The following HSF5 variants were observed in gnomAD, a reference collection of about 807,000 sequenced individuals.
The protein encoded by HSF5 is heat shock factor protein 5.
In HSF5, 5 loss-of-function variants were observed where a neutral mutation model predicts 50.8. That is an observed-to-expected ratio of 0.10 (90% confidence interval 0.05 to 0.21). The LOEUF is 0.21. HSF5 is among the 10% of genes least tolerant of loss of function. HSF5 has a pLI of 1.00. For missense variants in HSF5, 564 were observed against 762.6 expected, an observed-to-expected ratio of 0.74 and a Z score of 3.07; for synonymous variants, 307 against 307.4, an observed-to-expected ratio of 1.00 and a Z score of 0.02.
At position 58,462,914 on chromosome 17, in the gene HSF5, A is replaced by G; in HGVS notation, c.1410T>C (p.Val470=). 3 of 1,614,190 alleles carry G rather than the reference A, an allele frequency of 1.9e-6. No homozygotes were observed. The highest frequency in any genetic ancestry group is 2.5e-6 in the Non-Finnish European group (3 of 1,180,036). ...CAGATTCCTGTATTGTGCTATTTTC[A>G]ACAGGCTGAGCTGTGTGGATGGTAT... The part of the protein sequence containing the change: ...YIYTIHTAQP[V]ENSTIQESAA... Residue 470 remains valine (V), a synonymous_variant, in exon 4 of 6, where the codon GTT becomes GTC. Coordinates refer to ENST00000323777, the MANE Select transcript of HSF5 (RefSeq NM_001080439.3).
chr17:58,485,640 G>A (rs1166899613), intron 1 of HSF5, among the ~76,000 whole-genome samples: 2 of 151,506 alleles, frequency 1.3e-5, no homozygotes, highest in Non-Finnish European at 2.9e-5. Flanking sequence ...CCAGCTACTC[G>A]GGAGGCTGAG....
chr17:58,473,532 C>T (rs924137381), intron 2 of HSF5, among the ~76,000 whole-genome samples: 1 of 151,968 alleles, frequency 6.6e-6, no homozygotes. Flanking sequence ...CCAAAAATAA[C>T]ATCAGAGGAA....
chr17:58,428,222 TA>T, intron 5 of HSF5, among the ~76,000 whole-genome samples: 1 of 152,196 alleles, frequency 6.6e-6, no homozygotes, highest in Non-Finnish European at 1.5e-5. Flanking sequence ...ACAATCAAGA[TA>T]AATTTAAGGA....
chr17:58,486,688 A>G (rs991234542), intron 1 of HSF5, among the ~76,000 whole-genome samples: 2 of 152,178 alleles, frequency 1.3e-5, no homozygotes, highest in African/African-American at 4.8e-5. Context: ...GCCACGATGT[A>G]TCGTTGTATT....
intron 5 of HSF5, among the ~76,000 whole-genome samples, chr17:58,452,662 T>G (rs1359771162): frequency 6.6e-6 from 1 of 152,062 alleles, no homozygotes; most frequent in Non-Finnish European, 1.5e-5. Flanking sequence ...ATTTAAAAAT[T>G]AGCTAGGCGT....
chr17:58,452,204 C>T (rs1974650639), intron 5 of HSF5, among the ~76,000 whole-genome samples: 2 of 151,564 alleles, frequency 1.3e-5, no homozygotes, highest in South Asian at 2.1e-4. Context: ...GAGCTATTAT[C>T]GTGCCACTGT....
chr17:58,433,820 G>C (rs1029107893), intron 5 of HSF5, among the ~76,000 whole-genome samples: 2 of 150,494 alleles, frequency 1.3e-5, no homozygotes, highest in African/African-American at 4.9e-5. Context: ...AGTAGTTGAA[G>C]TAAGGATATG....
At chr17:58,451,672 T>A (rs1223217156) in intron 5 of HSF5, among the ~76,000 whole-genome samples, 3 of 152,080 alleles carry the variant, frequency 2.0e-5, no homozygotes, top group African/African-American at 7.2e-5. Flanking sequence ...CAAAAACCTA[T>A]GTGATACAGC....
chr17:58,427,991 G>A (rs543183004), intron 5 of HSF5, among the ~76,000 whole-genome samples: 3 of 152,300 alleles, frequency 2.0e-5, no homozygotes, highest in African/African-American at 7.2e-5. Context: ...ATAAATGCAC[G>A]GCTGTGACTG....
chr17:58,479,896 T>C lies in HSF5; in HGVS notation c.922A>G (p.Thr308Ala). The C allele has an allele frequency of 6.2e-7, 1 of 1,609,968 alleles. No homozygotes were observed. Among genetic ancestry groups the C allele is most frequent in the Non-Finnish European group, 8.5e-7 (1 of 1,178,190 alleles). ...CATGAACCTGAATTTGTCATACCTGTTGGATAGTAGGCTTGCGAGTACTGT... is the reference window on the plus strand; with the variant it reads ...CATGAACCTGAATTTGTCATACCTGCTGGATAGTAGGCTTGCGAGTACTGT... ...SAQYSQAYYPTAVLQCCSPTH... is the reference protein window; with the variant it reads ...SAQYSQAYYPAAVLQCCSPTH... Residue 308 changes from threonine to alanine, a missense_variant, in exon 2 of 6, where the codon ACA becomes GCA. Around this residue, in one of 5 missense-constraint regions of HSF5, gnomAD observed 441 missense variants for 533.6 expected, o/e 0.83. Coordinates refer to ENST00000323777, the MANE Select transcript of HSF5 (RefSeq NM_001080439.3).
chr17:58,463,175 A>G lies in HSF5; in HGVS notation c.1149T>C (p.His383=). ...EAVFQIVDEL[H]SSPKLEMVKV... Reference sequence around the variant, plus strand: ...TTACCATCTCCAATTTAGGGGAGGAATGCAACTCATCAACTATCTGAAAGA... The same window carrying G: ...TTACCATCTCCAATTTAGGGGAGGAGTGCAACTCATCAACTATCTGAAAGA... The change falls in exon 4 of 6, where the codon CAT becomes CAC. Residue 383 remains histidine, a synonymous_variant. Transcript: ENST00000323777. 1 of 1,614,196 alleles carries G rather than the reference A, an allele frequency of 6.2e-7. No individual in the cohort carries two copies. The highest frequency in any genetic ancestry group is 2.2e-5 in the East Asian group (1 of 44,892).
At chr17:58,436,681 A>G (rs1974430858) in intron 5 of HSF5, among the ~76,000 whole-genome samples, 1 of 152,148 alleles carries the variant, frequency 6.6e-6, no homozygotes, top group Non-Finnish European at 1.5e-5. Flanking sequence ...CAGGGAGGTA[A>G]TTGTCTTTGT....
At chr17:58,426,932 C>G (rs922396519) in intron 5 of HSF5, among the ~76,000 whole-genome samples, 3 of 152,030 alleles carry the variant, frequency 2.0e-5, no homozygotes, top group Admixed American at 1.3e-4. Context: ...AATTTGGACA[C>G]CTAATCAATT....
At chr17:58,484,583 T>A (rs574536060) in intron 1 of HSF5, among the ~76,000 whole-genome samples, 2 of 144,562 alleles carry the variant, frequency 1.4e-5, no homozygotes, top group Admixed American at 6.8e-5. Flanking sequence ...CCACCAGACA[T>A]GCAACCTGAA....
chr17:58,487,689 C>T (rs1337706620), intron 1 of HSF5, 36 bp downstream of exon 1: 2 of 1,367,022 alleles, frequency 1.5e-6, no homozygotes, highest in African/African-American at 1.5e-5. Context: ...GCCCATGTGC[C>T]CACTGTGGGC....
chr17:58,484,675 C>T (rs541940197), intron 1 of HSF5, among the ~76,000 whole-genome samples: 1 of 152,190 alleles, frequency 6.6e-6, no homozygotes, highest in East Asian at 1.9e-4. Flanking sequence ...TCATTCCCTA[C>T]CAAAATCAAT....
chr17:58,472,641 A>G (rs1334506468), intron 2 of HSF5, among the ~76,000 whole-genome samples: 1 of 152,026 alleles, frequency 6.6e-6, no homozygotes, highest in Non-Finnish European at 1.5e-5. Flanking sequence ...GCCACATAAC[A>G]TGATATAATC....
intron 5 of HSF5, among the ~76,000 whole-genome samples, chr17:58,430,524 C>T (rs1974349704): frequency 6.6e-6 from 1 of 152,148 alleles, no homozygotes; most frequent in South Asian, 2.1e-4. Context: ...GGAGAAAAGG[C>T]AAGTGTGTCT....
chr17:58,438,397 A>G (rs1245559891), intron 5 of HSF5, among the ~76,000 whole-genome samples: 1 of 152,204 alleles, frequency 6.6e-6, no homozygotes, highest in Non-Finnish European at 1.5e-5. Context: ...AACATTAACT[A>G]ATGACATAGT....
Sources: gnomAD v4.1 joint callset for allele counts (sites outside exome capture counted in the v4.1 genomes callset) on GRCh38, gnomAD v4.1.1 for gene constraint, gnomAD v4.1.1 regional missense constraint, MANE v1.5 for transcripts, NCBI Gene and HGNC (gene_info 2026-07-23, HGNC 2026-07-21) for gene names.